LMNA: variants seen among roughly 807,000 people sequenced by gnomAD.
LMNA encodes the protein lamin.
In LMNA, 20 loss-of-function variants were observed where a neutral mutation model predicts 70.4. The ratio of observed to expected loss-of-function variants is 0.28; its 90% CI spans 0.20 to 0.41. The LOEUF is 0.41. LMNA is among the 10% of genes least tolerant of loss of function. The pLI, the probability that LMNA is intolerant of heterozygous loss-of-function variation, is 1.00. For synonymous variants in LMNA, 339 were observed against 372.8 expected (o/e 0.91, Z 1.04); for missense variants, 652 against 917.2 (o/e 0.71, Z 3.73).
chr1:156,118,859 G>T (rs1316606313), intron 1 of LMNA, among the ~76,000 whole-genome samples: 1 of 152,114 alleles, frequency 6.6e-6, no homozygotes, highest in African/African-American at 2.4e-5. Flanking sequence ...ACCCAGCCTG[G>T]GTACCTCAAC....
Position 156,130,680 on chromosome 1 carries a change from G to T in LMNA, c.420G>T (p.Leu140=). 1 of 1,613,936 alleles carries T rather than the reference G, an allele frequency of 6.2e-7. No individual in the cohort carries two copies. Among genetic ancestry groups the T allele is most frequent in the East Asian group, 2.2e-5 (1 of 44,886 alleles). Residue 140 remains leucine, a synonymous_variant, in exon 2 of 12, where the codon CTG becomes CTT. Transcript: ENST00000368300. ...CTCGGCTGAAGGACCTGGAGGCTCT[G>T]CTGAACTCCAAGGAGGCCGCACTGA... ...AQARLKDLEA[L]LNSKEAALST...
upstream of LMNA, among the ~76,000 whole-genome samples, chr1:156,110,863 C>A (rs1009713815): frequency 6.6e-6 from 1 of 152,008 alleles, no homozygotes; most frequent in African/African-American, 2.4e-5. Flanking sequence ...ATAATCCCAG[C>A]AACCCTTGAG....
chr1:156,087,243 CTTT>C (rs1167426596), intron 2 of LMNA, among the ~76,000 whole-genome samples: 2 of 143,740 alleles, frequency 1.4e-5, no homozygotes, highest in South Asian at 2.2e-4. Flanking sequence ...CTTTTCTTTC[CTTT>C]TTTTTTTTTT....
intron 3 of LMNA, among the ~76,000 whole-genome samples, chr1:156,091,707 T>C (rs1040013896): frequency 2.0e-5 from 3 of 152,090 alleles, no homozygotes; most frequent in African/African-American, 7.2e-5. Context: ...GAGAACAAGA[T>C]AGACAAGGTC....
chr1:156,128,872 C>T (rs1296567776), intron 1 of LMNA, among the ~76,000 whole-genome samples: 1 of 152,244 alleles, frequency 6.6e-6, no homozygotes, highest in African/African-American at 2.4e-5. Context: ...AAGCCCCAGC[C>T]AGCCTGGGGG....
At chr1:156,110,139 C>A (rs1649483875), upstream of LMNA, among the ~76,000 whole-genome samples, 1 of 152,058 alleles carries the variant, frequency 6.6e-6, no homozygotes, top group Non-Finnish European at 1.5e-5. Flanking sequence ...TGTGAGCCAC[C>A]ATGCTCAGCC....
intron 3 of LMNA, among the ~76,000 whole-genome samples, chr1:156,092,657 A>G (rs1029933513): frequency 6.6e-6 from 1 of 150,980 alleles, no homozygotes; most frequent in African/African-American, 2.4e-5. Flanking sequence ...CCGGCTCTAG[A>G]CAACAGAGCG....
chr1:156,133,027 A>C (rs1286399801), intron 2 of LMNA, among the ~76,000 whole-genome samples: 1 of 151,580 alleles, frequency 6.6e-6, no homozygotes, highest in Non-Finnish European at 1.5e-5. Flanking sequence ...TTTAGTAGAG[A>C]CAGGGTTTCA....
intron 2 of LMNA, 95 bp downstream of exon 2, chr1:156,130,868 A>T (rs1449350898): frequency 3.1e-5 from 37 of 1,207,368 alleles, no homozygotes; most frequent in Non-Finnish European, 2.4e-5. Flanking sequence ...GCCTGGTCTG[A>T]CCTGTCACCT....
At chr1:156,093,016 G>T (rs1017417190) in intron 3 of LMNA, among the ~76,000 whole-genome samples, 5 of 151,328 alleles carry the variant, frequency 3.3e-5, no homozygotes, top group African/African-American at 9.7e-5. Flanking sequence ...AGCCTCCCAA[G>T]TAGCTAGGAT....
intron 1 of LMNA, among the ~76,000 whole-genome samples, chr1:156,122,977 C>T (rs1650302646): frequency 6.6e-6 from 1 of 152,224 alleles, no homozygotes; most frequent in South Asian, 2.1e-4. Context: ...ATCCTGCCTG[C>T]TGAAGCCAGG....
At chr1:156,084,532 A>G (rs1648410571) in intron 2 of LMNA, among the ~76,000 whole-genome samples, 2 of 152,194 alleles carry the variant, frequency 1.3e-5, no homozygotes, top group South Asian at 4.1e-4. Context: ...CAAGAGTGAA[A>G]GAGGAAGAAT....
At chr1:156,132,839 T>C (rs74657088) in intron 2 of LMNA, among the ~76,000 whole-genome samples, 106 of 26,814 alleles carry the variant, frequency 4.0e-3, no homozygotes, top group African/African-American at 7.0e-3. Context: ...CTCTCTCTCT[T>C]TTTTTTTTTT....
At chr1:156,088,014 G>C (rs1330900840) in intron 2 of LMNA, among the ~76,000 whole-genome samples, 2 of 151,936 alleles carry the variant, frequency 1.3e-5, no homozygotes, top group African/African-American at 2.4e-5. Context: ...TGGGACTACA[G>C]GCGCGCACCA....
At chr1:156,139,017 G>C in intron 11 of LMNA, 63 bp from the exon 12 acceptor site, 4 of 1,563,012 alleles carry the variant, frequency 2.6e-6, no homozygotes, top group Non-Finnish European at 2.6e-6. Flanking sequence ...TAGGGGCCAG[G>C]GGAGGGAGGG....
intron 1 of LMNA, among the ~76,000 whole-genome samples, chr1:156,124,583 A>G (rs1285023562): frequency 6.6e-6 from 1 of 152,154 alleles, no homozygotes; most frequent in African/African-American, 2.4e-5. Context: ...CACTGCGCCC[A>G]GCCTCAGTTC....
intron 1 of LMNA, among the ~76,000 whole-genome samples, chr1:156,128,075 G>A (rs1000425996): frequency 1.3e-5 from 2 of 152,014 alleles, no homozygotes; most frequent in African/African-American, 2.4e-5. Flanking sequence ...TACTTGCTGC[G>A]GGACCCTAGA....
intron 1 of LMNA, chr1:156,123,377 G>A (rs1650331889): frequency 6.6e-6 from 1 of 152,240 alleles, no homozygotes; most frequent in East Asian, 1.9e-4. Flanking sequence ...CTGGAATGCA[G>A]TGAGACCAGA....
chr1:156,087,544 ATTTTCTTTTC>A (rs1156697732), intron 2 of LMNA, among the ~76,000 whole-genome samples: 1 of 142,518 alleles, frequency 7.0e-6, no homozygotes, highest in Non-Finnish European at 1.5e-5. Context: ...CCCGGCTCCC[ATTTTCTTTTC>A]TTTTCTTTTC....
Sources: gnomAD v4.1 joint callset for allele counts (sites outside exome capture counted in the v4.1 genomes callset) on GRCh38, gnomAD v4.1.1 for gene constraint, MANE v1.5 for transcripts, NCBI Gene and HGNC (gene_info 2026-07-23, HGNC 2026-07-21) for gene names.